Variants in ADGRG5 observed in about 807,000 individuals in gnomAD.
ADGRG5 encodes the protein adhesion G protein-coupled receptor G5.
In ADGRG5, 37 loss-of-function variants were observed where a neutral mutation model predicts 53.2. That is an observed-to-expected ratio of 0.70 (90% CI 0.53 to 0.91). The LOEUF (loss-of-function observed/expected upper bound fraction) is 0.91. Among genes scored for constraint, ADGRG5 ranks in the 40% least tolerant of loss-of-function variants. The probability of loss-of-function intolerance (pLI) is 0.00; values close to 1 mark genes in which losing one functional copy is unlikely to be tolerated. For synonymous variants in ADGRG5, 277 were observed against 290.4 expected, an observed-to-expected ratio of 0.95 and a Z score of 0.47; for missense variants, 614 against 675.8, an observed-to-expected ratio of 0.91 and a Z score of 1.01.
chr16:57,548,925 G>A (rs2146759731), intron 1 of ADGRG5, among the ~76,000 whole-genome samples: 1 of 152,208 alleles, frequency 6.6e-6, no homozygotes, highest in East Asian at 1.9e-4. Context: ...AGGTTTTTGT[G>A]TGAACACGAG....
chr16:57,566,310 G>A (rs955892007), intron 6 of ADGRG5: 10 of 315,976 alleles, frequency 3.2e-5, no homozygotes, highest in South Asian at 1.5e-4. Flanking sequence ...TCAAGATTCC[G>A]TGTTGCCCTT....
intron 10 of ADGRG5, among the ~76,000 whole-genome samples, chr16:57,573,986 T>C (rs1287243362): frequency 1.3e-5 from 2 of 152,184 alleles, no homozygotes; most frequent in African/African-American, 4.8e-5. Flanking sequence ...CCTCCCAAAG[T>C]GCTGAGATTA....
chr16:57,552,331 A>G (rs2032774816), intron 1 of ADGRG5, among the ~76,000 whole-genome samples: 1 of 152,180 alleles, frequency 6.6e-6, no homozygotes, highest in African/African-American at 2.4e-5. Flanking sequence ...TCCGCTTCCA[A>G]TATGAGGCTC....
chr16:57,559,308 C>T (rs2032950755), intron 1 of ADGRG5, among the ~76,000 whole-genome samples: 2 of 152,182 alleles, frequency 1.3e-5, no homozygotes, highest in Non-Finnish European at 2.9e-5. Flanking sequence ...TATCTCTCGG[C>T]AGCAGCCAAT....
At chr16:57,551,545 T>A (rs1447139008) in intron 1 of ADGRG5, among the ~76,000 whole-genome samples, 2 of 152,214 alleles carry the variant, frequency 1.3e-5, no homozygotes, top group Non-Finnish European at 2.9e-5. Context: ...TCCATTCAAG[T>A]TTGATCATGA....
chr16:57,560,410 G>T (rs1021265003), intron 1 of ADGRG5, among the ~76,000 whole-genome samples: 5 of 152,222 alleles, frequency 3.3e-5, no homozygotes, highest in Non-Finnish European at 7.3e-5. Context: ...GGCAGAGCTT[G>T]GTGACTGGTG....
intron 1 of ADGRG5, among the ~76,000 whole-genome samples, chr16:57,555,590 C>G (rs188515652): frequency 2.6e-5 from 4 of 152,198 alleles, no homozygotes; most frequent in Admixed American, 2.6e-4. Flanking sequence ...GTCAATTTCT[C>G]CTTTTAGTGT....
intron 4 of ADGRG5, 124 bp from the exon 5 acceptor site, chr16:57,563,724 G>A (rs1048453878): frequency 2.4e-6 from 3 of 1,234,756 alleles, no homozygotes; most frequent in African/African-American, 1.5e-5. Context: ...TGCAGCCTGG[G>A]GGGAGAAGGT....
At chr16:57,537,090 T>C in the ADGRG5 span, among the ~76,000 whole-genome samples, 1 of 151,938 alleles carries the variant, frequency 6.6e-6, no homozygotes, top group South Asian at 2.1e-4. Flanking sequence ...TGTTAAGAGG[T>C]GGGGGGCGCG....
chr16:57,557,471 G>A (rs1315912719), intron 1 of ADGRG5, among the ~76,000 whole-genome samples: 1 of 152,092 alleles, frequency 6.6e-6, no homozygotes, highest in Non-Finnish European at 1.5e-5. Context: ...GTTTTGCAGA[G>A]CTTCTTGGAT....
intron 1 of ADGRG5, among the ~76,000 whole-genome samples, chr16:57,543,828 C>G (rs1461032932): frequency 2.0e-5 from 3 of 152,120 alleles, no homozygotes; most frequent in Non-Finnish European, 4.4e-5. Flanking sequence ...GATCAGAGCC[C>G]TGGACCTTTC....
rs1456229300 is a variant in ADGRG5, at chr16:57,568,053, A to G, written c.1019A>G (p.Tyr340Cys). The change falls in exon 9 of 12, where the codon TAC (tyrosine) becomes TGC (cysteine). Residue 340 changes from tyrosine (Y) to cysteine (C), a missense_variant. Coordinates refer to ENST00000349457, the MANE Select transcript of ADGRG5 (RefSeq NM_001304376.3). ...TWMAIEGFNL[Y>C]LLLGRVYNIY... ...ATGGCCATCGAGGGCTTCAACCTCT[A>G]CCTCCTCCTCGGGCGTGTCTACAAC... The G allele has an allele frequency of 3.7e-6, 6 of 1,613,662 alleles. No homozygotes were observed. The highest frequency in any genetic ancestry group is 1.1e-5 in the South Asian group (1 of 91,052).
chr16:57,539,673 G>A (rs116614469), upstream of ADGRG5, among the ~76,000 whole-genome samples: 2,184 of 151,104 alleles, frequency 0.014, 43 homozygotes, highest in African/African-American at 0.051. Context: ...GGCTGGTCTC[G>A]AACTCCTGGG....
At chr16:57,532,956 A>G in the ADGRG5 span, among the ~76,000 whole-genome samples, 2 of 152,254 alleles carry the variant, frequency 1.3e-5, no homozygotes, top group South Asian at 4.1e-4. Context: ...GGAGGGGGCC[A>G]CTGCCACATC....
chr16:57,544,521 G>T (rs2032570114), intron 1 of ADGRG5, among the ~76,000 whole-genome samples: 1 of 152,186 alleles, frequency 6.6e-6, no homozygotes, highest in Non-Finnish European at 1.5e-5. Context: ...TTCTTCAGTT[G>T]TGTGGTAGGG....
At chr16:57,559,662 T>C (rs534787992) in intron 1 of ADGRG5, among the ~76,000 whole-genome samples, 1 of 152,306 alleles carries the variant, frequency 6.6e-6, no homozygotes, top group South Asian at 2.1e-4. Flanking sequence ...ATCATGTGTT[T>C]CATCCATCAA....
the ADGRG5 span, among the ~76,000 whole-genome samples, chr16:57,536,833 G>C: frequency 1.3e-5 from 2 of 152,194 alleles, no homozygotes; most frequent in South Asian, 4.1e-4. Context: ...AGTTGCGGGG[G>C]GGCTCGGCTT....
chr16:57,535,331 C>G, the ADGRG5 span, among the ~76,000 whole-genome samples: 10 of 152,158 alleles, frequency 6.6e-5, no homozygotes, highest in Non-Finnish European at 1.3e-4. Flanking sequence ...TCCCAGGTAG[C>G]CCCATCTTAG....
At chr16:57,558,777 A>AT (rs551583832) in intron 1 of ADGRG5, among the ~76,000 whole-genome samples, 56 of 150,742 alleles carry the variant, frequency 3.7e-4, no homozygotes, top group African/African-American at 1.3e-3. Flanking sequence ...CCTCTGTTTT[A>AT]TATCAGTGCA....
Sources: allele counts gnomAD v4.1 joint callset (sites outside exome capture counted in the v4.1 genomes callset), GRCh38; gene constraint gnomAD v4.1.1; transcripts MANE v1.5; gene names NCBI Gene and HGNC (gene_info 2026-07-23, HGNC 2026-07-21).